The following PARD3B variants were observed in gnomAD, a reference collection of about 807,000 sequenced individuals.
The protein encoded by PARD3B is par-3 family cell polarity regulator beta.
Under a neutral mutation model 130.2 loss-of-function variants are expected in PARD3B, and 103 were observed. That is an observed-to-expected ratio of 0.79 (90% CI 0.67 to 0.93). The LOEUF is 0.93. PARD3B is among the 40% of genes least tolerant of loss of function. The pLI, the probability that PARD3B is intolerant of heterozygous loss-of-function variation, is 0.00. For missense variants in PARD3B, 1,609 were observed against 1,499.2 expected, an observed-to-expected ratio of 1.07 and a Z score of -1.21; for synonymous variants, 583 against 553.2, an observed-to-expected ratio of 1.05 and a Z score of -0.76.
chr2:204,895,004 G>T (rs184891975), intron 2 of PARD3B, among the ~76,000 whole-genome samples: 192 of 152,026 alleles, frequency 1.3e-3, no homozygotes, highest in Non-Finnish European at 2.2e-3. Context: ...AAAATGTTTG[G>T]ACTATAGTAA....
chr2:204,990,650 T>C (rs760888765), intron 3 of PARD3B, among the ~76,000 whole-genome samples: 50 of 152,158 alleles, frequency 3.3e-4, no homozygotes, highest in Non-Finnish European at 6.0e-4. Context: ...TGTGTGTGTG[T>C]GTATGCTACA....
chr2:204,699,732 A>G lies in PARD3B; in HGVS notation c.222+13450A>G, dbSNP rs535090121. Among the ~76,000 whole-genome samples the G allele has an allele frequency of 8.1e-4, 123 of 152,240 alleles. 1 individual carries two copies. Among genetic ancestry groups the G allele is most frequent in the African/African-American group, 2.9e-3 (120 of 41,550 alleles). On this transcript the variant is annotated intron_variant, in intron 2 of 22. Transcript: ENST00000406610. ...GAGGCTCCATGTCAAAGGCATCAAC[A>G]CTCAAACTATTTACATGACTCTTTC...
chr2:204,945,430 A>G (rs1689240593), intron 2 of PARD3B, among the ~76,000 whole-genome samples: 2 of 152,152 alleles, frequency 1.3e-5, no homozygotes, highest in South Asian at 4.1e-4. Context: ...CTGAAGGAGA[A>G]GCTCCTCAAA....
intron 7 of PARD3B, among the ~76,000 whole-genome samples, chr2:205,120,685 C>G (rs2030590984): frequency 6.6e-6 from 1 of 152,194 alleles, no homozygotes; most frequent in Non-Finnish European, 1.5e-5. Flanking sequence ...TGGCTACTAT[C>G]CTTCAGTGGA....
chr2:204,766,686 T>C (rs1050850811), intron 2 of PARD3B, among the ~76,000 whole-genome samples: 1 of 151,776 alleles, frequency 6.6e-6, no homozygotes, highest in Non-Finnish European at 1.5e-5. Context: ...AGTGCTGTTA[T>C]AAATAAAAAC....
At chr2:205,551,355 T>C (rs2052638732) in intron 21 of PARD3B, among the ~76,000 whole-genome samples, 1 of 151,552 alleles carries the variant, frequency 6.6e-6, no homozygotes, top group African/African-American at 2.4e-5. Flanking sequence ...CCTTTTCTTT[T>C]TTTTTTTTTT....
Position 205,465,866 on chromosome 2 carries a change from A to G in PARD3B, c.3044+25194A>G, listed in dbSNP as rs139823994. Among the ~76,000 whole-genome samples, 399 of 152,320 alleles carry G rather than the reference A, an allele frequency of 2.6e-3. 1 individual carries two copies. The highest frequency in any genetic ancestry group is 8.9e-3 in the African/African-American group (371 of 41,578). On this transcript the variant is annotated intron_variant, in intron 20 of 22. Coordinates refer to ENST00000406610, the MANE Select transcript of PARD3B (RefSeq NM_001302769.2). ...TAAAAGCTGCATTAATTGACCAGTG[A>G]TAGGTTGAAAGCTGCCTCCAACCAG... is the stretch of plus-strand genomic sequence containing the variant.
chr2:204,937,201 G>A (rs1688527144), intron 2 of PARD3B, among the ~76,000 whole-genome samples: 1 of 152,208 alleles, frequency 6.6e-6, no homozygotes, highest in Non-Finnish European at 1.5e-5. Context: ...CCTCATTGAA[G>A]GTACTTTAAC....
intron 10 of PARD3B, among the ~76,000 whole-genome samples, chr2:205,136,620 T>C (rs757670741): frequency 4.5e-4 from 69 of 152,176 alleles, no homozygotes; most frequent in Non-Finnish European, 7.6e-4. Flanking sequence ...CAGCTATATA[T>C]TTCATCTTTA....
At chr2:205,455,728 T>C (rs1295602215) in intron 20 of PARD3B, among the ~76,000 whole-genome samples, 1 of 152,028 alleles carries the variant, frequency 6.6e-6, no homozygotes, top group Non-Finnish European at 1.5e-5. Context: ...TATTGAGAAG[T>C]TCCTTGTACC....
intron 2 of PARD3B, 78 bp downstream of exon 2, chr2:204,686,360 A>G: frequency 1.9e-6 from 2 of 1,029,458 alleles, no homozygotes; most frequent in South Asian, 1.3e-5. Context: ...ATCCTTAACA[A>G]ACTCATGTGT....
At chr2:205,569,763 C>T (rs1342776240) in intron 22 of PARD3B, among the ~76,000 whole-genome samples, 1 of 152,168 alleles carries the variant, frequency 6.6e-6, no homozygotes, top group East Asian at 1.9e-4. Context: ...TGTGATACAA[C>T]ACCAGGTATT....
At chr2:205,153,934 A>T (rs1003516594) in intron 10 of PARD3B, among the ~76,000 whole-genome samples, 1 of 152,270 alleles carries the variant, frequency 6.6e-6, no homozygotes, top group East Asian at 1.9e-4. Context: ...ACCTAAAAGC[A>T]TAAAAACCCT....
intron 1 of PARD3B, among the ~76,000 whole-genome samples, chr2:204,587,049 A>T (rs1318720519): frequency 1.3e-5 from 2 of 152,208 alleles, no homozygotes; most frequent in African/African-American, 2.4e-5. Context: ...CAATGTAAAA[A>T]TGGAGTGGAA....
At chr2:205,248,418 G>GGTGGTGGTGGTGGTGGT (rs2039667917) in intron 16 of PARD3B, among the ~76,000 whole-genome samples, 1 of 150,662 alleles carries the variant, frequency 6.6e-6, no homozygotes, top group African/African-American at 2.5e-5. Context: ...TGGTGGTGGC[G>GGTGGTGGTGGTGGTGGT]GCAGCAGCAG....
intron 20 of PARD3B, among the ~76,000 whole-genome samples, chr2:205,447,199 A>T (rs1304063930): frequency 6.6e-6 from 1 of 152,142 alleles, no homozygotes; most frequent in East Asian, 1.9e-4. Context: ...AGTGGTTCTG[A>T]TATTTTCTTC....
chr2:204,974,095 T>A (rs1378529698), intron 3 of PARD3B, among the ~76,000 whole-genome samples: 2 of 152,160 alleles, frequency 1.3e-5, no homozygotes, highest in African/African-American at 4.8e-5. Flanking sequence ...TACCAGTAAC[T>A]TTCTAAAAAT....
At chr2:205,368,905 T>C (rs939460682) in intron 18 of PARD3B, among the ~76,000 whole-genome samples, 2 of 151,840 alleles carry the variant, frequency 1.3e-5, no homozygotes, top group Non-Finnish European at 2.9e-5. Flanking sequence ...CTCTCGTAAC[T>C]CTTCTCTATG....
chr2:205,547,371 G>A (rs116650168), intron 21 of PARD3B, among the ~76,000 whole-genome samples: 4,603 of 152,186 alleles, frequency 0.03, 114 homozygotes, highest in Non-Finnish European at 0.045. Flanking sequence ...TATTTTTGCA[G>A]ACTTTATAGT....
Sources: gnomAD v4.1 joint callset for allele counts (sites outside exome capture counted in the v4.1 genomes callset) on GRCh38, gnomAD v4.1.1 for gene constraint, MANE v1.5 for transcripts, NCBI Gene and HGNC (gene_info 2026-07-23, HGNC 2026-07-21) for gene names.